The following ARHGEF7 variants were observed in gnomAD, a reference collection of about 807,000 sequenced individuals.
ARHGEF7 encodes the protein Rho guanine nucleotide exchange factor 7.
In ARHGEF7, 33 loss-of-function variants were observed where a neutral mutation model predicts 109.8. The ratio of observed to expected loss-of-function variants is 0.30; its 90% CI spans 0.23 to 0.40. The LOEUF is 0.40. Ranked by LOEUF, ARHGEF7 falls within the 10% of genes least tolerant of loss-of-function variation. The pLI, the probability that ARHGEF7 is intolerant of heterozygous loss-of-function variation, is 1.00. For synonymous variants in ARHGEF7, 458 were observed against 424.6 expected, an observed-to-expected ratio of 1.08 and a Z score of -0.97; for missense variants, 938 against 1,098.5, an observed-to-expected ratio of 0.85 and a Z score of 2.07.
chr13:111,265,127 A>G (rs2091495363), intron 8 of ARHGEF7, among the ~76,000 whole-genome samples: 3 of 148,440 alleles, frequency 2.0e-5, no homozygotes, highest in Admixed American at 1.3e-4. Context: ...TCCATCTCAA[A>G]AAAAAAAAAA....
At chr13:111,207,024 T>C (rs1265675155) in intron 3 of ARHGEF7, among the ~76,000 whole-genome samples, 1 of 151,362 alleles carries the variant, frequency 6.6e-6, no homozygotes, top group Non-Finnish European at 1.5e-5. Context: ...TGGATGACAT[T>C]GAAAAGGACA....
chr13:111,226,443 C>T (rs2085221545), intron 5 of ARHGEF7, among the ~76,000 whole-genome samples: 1 of 152,174 alleles, frequency 6.6e-6, no homozygotes, highest in Non-Finnish European at 1.5e-5. Context: ...TTCTCATTTA[C>T]CATTCTGAAA....
At chr13:111,206,867 C>T (rs1225918416) in intron 3 of ARHGEF7, among the ~76,000 whole-genome samples, 4 of 147,980 alleles carry the variant, frequency 2.7e-5, no homozygotes, top group African/African-American at 1.0e-4. Context: ...GAGGCTGAGG[C>T]AGGAGAATGG....
At position 111,293,524 on chromosome 13, in the gene ARHGEF7, A is replaced by G. The variant is rs539722617; in HGVS notation, c.2311+1230A>G. 11 of 985,308 alleles carry G rather than the reference A, an allele frequency of 1.1e-5. 1 individual carries two copies. Among genetic ancestry groups the G allele is most frequent in the African/African-American group, 1.0e-4 (6 of 57,316 alleles). 61.0% of individuals were successfully genotyped at this position (985,308 alleles called of 1,614,324 possible). A position where few individuals can be genotyped will look rare whatever the true frequency, so the allele number is the denominator to read the frequency against. On this transcript the variant is annotated intron_variant, in intron 19 of 21. Coordinates refer to ENST00000646102, the MANE Select transcript of ARHGEF7 (RefSeq NM_001354046.2). ...CTCACTCAGACCAATTTCTGCTTCA[A>G]AAAGCACTGAATGTGACCTGTTGCA...
At chr13:111,153,532 A>G in intron 1 of ARHGEF7, 1 of 763,702 alleles carries the variant, frequency 1.3e-6, no homozygotes, top group Non-Finnish European at 1.6e-6. Flanking sequence ...GCACTGGGCC[A>G]GAGGAGGTGG....
intron 9 of ARHGEF7, among the ~76,000 whole-genome samples, chr13:111,268,187 T>G (rs573895726): frequency 5.1e-4 from 77 of 152,326 alleles, no homozygotes; most frequent in South Asian, 3.3e-3. Context: ...TTCCTGCGAA[T>G]TGGAGGAAGA....
chr13:111,247,009 G>C (rs1184030503), intron 8 of ARHGEF7, among the ~76,000 whole-genome samples: 2 of 152,084 alleles, frequency 1.3e-5, no homozygotes, highest in Non-Finnish European at 2.9e-5. Flanking sequence ...CTCAGAATTT[G>C]GTATGGCTTA....
At chr13:111,296,361 G>A (rs1255546808) in intron 19 of ARHGEF7, among the ~76,000 whole-genome samples, 1 of 152,126 alleles carries the variant, frequency 6.6e-6, no homozygotes, top group Admixed American at 6.5e-5. Flanking sequence ...TGTTGCTGTG[G>A]GGTCCTGGTG....
At chr13:111,283,545 C>G (rs2092884215) in intron 16 of ARHGEF7, 182 bp downstream of exon 16, 1 of 701,994 alleles carries the variant, frequency 1.4e-6, no homozygotes, top group Non-Finnish European at 1.8e-6. Context: ...CCCGTGGTAA[C>G]CTGTGTGGGA....
intron 18 of ARHGEF7, 58 bp from the exon 19 acceptor site, chr13:111,292,060 G>C: frequency 6.8e-7 from 1 of 1,465,838 alleles, no homozygotes; most frequent in Non-Finnish European, 9.5e-7. Flanking sequence ...GGCTCTTCCT[G>C]TCGTTCTCCT....
chr13:111,177,819 G>C (rs1368095352), intron 2 of ARHGEF7, among the ~76,000 whole-genome samples: 1 of 150,460 alleles, frequency 6.6e-6, no homozygotes, highest in East Asian at 1.9e-4. Flanking sequence ...ATGTTGGCCA[G>C]ATGGTGGGGA....
Position 111,217,581 on chromosome 13 carries a change from C to A in ARHGEF7, c.469-98C>A, listed in dbSNP as rs900659841. ...CTCTAAATGTATTTCTACTGTTGGG[C>A]AATTATGCTACCTTTGTACTAGTAA... is the stretch of plus-strand genomic sequence containing the variant. On this transcript the variant is annotated intron_variant, in intron 4 of 21. Coordinates refer to ENST00000646102, the MANE Select transcript of ARHGEF7 (RefSeq NM_001354046.2). The A allele has an allele frequency of 2.6e-6, 3 of 1,153,984 alleles. No homozygotes were observed. The African/African-American group carries it at 4.6e-5, about 18-fold the overall frequency. 71.5% of individuals were successfully genotyped at this position (1,153,984 alleles called of 1,614,324 possible). A position where few individuals can be genotyped will look rare whatever the true frequency, so the allele number is the denominator to read the frequency against.
intron 1 of ARHGEF7, among the ~76,000 whole-genome samples, chr13:111,134,037 G>A (rs1485913438): frequency 6.7e-6 from 1 of 149,872 alleles, no homozygotes; most frequent in African/African-American, 2.5e-5. Context: ...GTGAGAACAT[G>A]CGGTGTTTGG....
intron 19 of ARHGEF7, chr13:111,292,519 A>G (rs4145274): frequency 0.72 from 1,023,146 of 1,419,656 alleles, 370,617 homozygotes; most frequent in East Asian, 0.9. Context: ...ATGACTGACT[A>G]TTGGAGGGAG....
At chr13:111,180,178 G>T (rs1286759789) in intron 2 of ARHGEF7, among the ~76,000 whole-genome samples, 1 of 152,238 alleles carries the variant, frequency 6.6e-6, no homozygotes, top group East Asian at 1.9e-4. Context: ...CCCGCAAGTT[G>T]TGGGATGTGG....
chr13:111,214,153 A>T (rs1370590354), intron 4 of ARHGEF7, among the ~76,000 whole-genome samples: 1 of 152,152 alleles, frequency 6.6e-6, no homozygotes, highest in Non-Finnish European at 1.5e-5. Context: ...TGTTGCATTG[A>T]TGAAGTAATG....
intron 9 of ARHGEF7, among the ~76,000 whole-genome samples, chr13:111,270,069 T>A (rs1047503049): frequency 2.0e-5 from 3 of 152,252 alleles, no homozygotes; most frequent in East Asian, 1.9e-4. Flanking sequence ...AAGTTCTAAG[T>A]GTGAGCCCTG....
chr13:111,240,565 G>A (rs1356308971), intron 6 of ARHGEF7, among the ~76,000 whole-genome samples: 1 of 152,198 alleles, frequency 6.6e-6, no homozygotes, highest in African/African-American at 2.4e-5. Context: ...TTTCCGTGGA[G>A]TCAGATGTTT....
chr13:111,282,825 C>T, intron 15 of ARHGEF7: 1 of 456,598 alleles, frequency 2.2e-6, no homozygotes, highest in Non-Finnish European at 3.9e-6. Flanking sequence ...TACCTTTTTT[C>T]TATAAATGTT....
Sources: gnomAD v4.1 joint callset for allele counts (sites outside exome capture counted in the v4.1 genomes callset) on GRCh38, gnomAD v4.1.1 for gene constraint, MANE v1.5 for transcripts, NCBI Gene and HGNC (gene_info 2026-07-23, HGNC 2026-07-21) for gene names.